Variants in ESR1 observed in about 807,000 individuals in gnomAD.
ESR1 encodes the protein estrogen receptor.
Under a neutral mutation model 52.7 loss-of-function variants are expected in ESR1, and 12 were observed. The observed-to-expected ratio is 0.23, with a 90% confidence interval of 0.15 to 0.37. The LOEUF (loss-of-function observed/expected upper bound fraction) is 0.37. ESR1 is among the 10% of genes least tolerant of loss of function. ESR1 has a pLI of 1.00. For missense variants in ESR1, 584 were observed against 779.7 expected, an observed-to-expected ratio of 0.75 and a Z score of 2.99; for synonymous variants, 305 against 316.8, an observed-to-expected ratio of 0.96 and a Z score of 0.39.
chr6:151,993,401 G>T (rs536593513), intron 4 of ESR1, among the ~76,000 whole-genome samples: 1 of 152,170 alleles, frequency 6.6e-6, no homozygotes, highest in African/African-American at 2.4e-5. Context: ...CTCTGGGTCG[G>T]ACTTGGCCCA....
intron 2 of ESR1, among the ~76,000 whole-genome samples, chr6:151,733,409 A>G (rs1441217262): frequency 3.3e-5 from 5 of 152,304 alleles, no homozygotes; most frequent in Non-Finnish European, 7.3e-5. Flanking sequence ...GTGATGAGGA[A>G]CATAAGCCAT....
rs896472046 is a variant in ESR1, at chr6:151,778,039, T to G, written c.-70-29804T>G. Among the ~76,000 whole-genome samples, 3 of 152,168 alleles carry G rather than the reference T, an allele frequency of 2.0e-5. No individual in the cohort carries two copies. The South Asian group carries it at 6.2e-4, about 32-fold the overall frequency. On this transcript the variant is annotated intron_variant, in intron 2 of 2. Coordinates refer to the ESR1 transcript ENST00000404742. ...GTGTAAAACCAGGAAATCTACATCT[T>G]GACACTTAACTACCCAAGACGCAAT...
chr6:152,099,034 A>G lies in ESR1; in HGVS notation c.*68A>G, dbSNP rs537160994. On this transcript the variant is annotated 3_prime_UTR_variant, in exon 8 of 8. Transcript: ENST00000206249. Reference sequence around the variant, plus strand: ...TTTTACCCTCATCATGCACCACTTTAGCCAAATTCTGTCTCCTGCATACAC... The same window carrying G: ...TTTTACCCTCATCATGCACCACTTTGGCCAAATTCTGTCTCCTGCATACAC... The G allele has an allele frequency of 1.5e-6, 2 of 1,329,620 alleles. No homozygotes were observed. The highest frequency in any genetic ancestry group is 2.1e-6 in the Non-Finnish European group (2 of 934,530). The allele number at this position is 1,329,620 out of a possible 1,614,324, so 82.4% of individuals were successfully genotyped here. A position where few individuals can be genotyped will look rare whatever the true frequency, so the allele number is the denominator to read the frequency against.
chr6:151,771,476 G>A (rs568181204), intron 2 of ESR1, among the ~76,000 whole-genome samples: 81 of 152,304 alleles, frequency 5.3e-4, no homozygotes, highest in Admixed American at 2.9e-3. Flanking sequence ...TGGCAGGCTG[G>A]CCGCCGGTGT....
At chr6:151,985,042 A>G (rs1208681381) in intron 4 of ESR1, among the ~76,000 whole-genome samples, 1 of 152,138 alleles carries the variant, frequency 6.6e-6, no homozygotes, top group African/African-American at 2.4e-5. Flanking sequence ...ATGAAATAGC[A>G]TATCAATGTA....
chr6:151,666,753 A>G (rs1777841108), intron 1 of ESR1, among the ~76,000 whole-genome samples: 1 of 130,876 alleles, frequency 7.6e-6, no homozygotes, highest in African/African-American at 2.8e-5. Context: ...CAGGGAACAT[A>G]TAGTTGGCAG....
chr6:151,918,127 A>T (rs1256699701), intron 3 of ESR1, among the ~76,000 whole-genome samples: 1 of 152,170 alleles, frequency 6.6e-6, no homozygotes, highest in African/African-American at 2.4e-5. Context: ...AGACATGAGC[A>T]GGTAGGGCTG....
At chr6:151,932,696 T>C (rs1356608466) in intron 3 of ESR1, among the ~76,000 whole-genome samples, 1 of 151,652 alleles carries the variant, frequency 6.6e-6, no homozygotes, top group Non-Finnish European at 1.5e-5. Flanking sequence ...CCCAGCACCA[T>C]TTATTAAATA....
At chr6:151,869,666 G>A (rs1429708995) in intron 2 of ESR1, among the ~76,000 whole-genome samples, 2 of 152,088 alleles carry the variant, frequency 1.3e-5, no homozygotes, top group Non-Finnish European at 2.9e-5. Flanking sequence ...GTCTAGTGAG[G>A]GCAAATAGAT....
intron 5 of ESR1, among the ~76,000 whole-genome samples, chr6:152,048,019 G>A (rs1044680189): frequency 7.3e-6 from 1 of 136,316 alleles, no homozygotes; most frequent in Admixed American, 7.9e-5. Flanking sequence ...TCTCTTCTTG[G>A]CACACTCTTC....
At chr6:152,111,127 C>G (rs1357152584) in intron 6 of ESR1, among the ~76,000 whole-genome samples, 1 of 152,164 alleles carries the variant, frequency 6.6e-6, no homozygotes, top group Non-Finnish European at 1.5e-5. Flanking sequence ...CACCCTCCCC[C>G]CGTTGCCACA....
chr6:152,065,026 TATC>T (rs1165893225), intron 6 of ESR1, among the ~76,000 whole-genome samples: 1 of 152,202 alleles, frequency 6.6e-6, no homozygotes, highest in Non-Finnish European at 1.5e-5. Context: ...CAACAACAGC[TATC>T]ATCATCACTG....
chr6:151,972,851 G>A (rs544075258), intron 4 of ESR1, among the ~76,000 whole-genome samples: 21 of 152,322 alleles, frequency 1.4e-4, no homozygotes, highest in African/African-American at 4.8e-4. Context: ...CAAAAGTGCA[G>A]CCTTCAGTCT....
intron 2 of ESR1, among the ~76,000 whole-genome samples, chr6:151,853,244 G>A (rs75343282): frequency 4.6e-4 from 69 of 150,004 alleles, no homozygotes; most frequent in African/African-American, 1.7e-3. Flanking sequence ...AAAGAAAGGC[G>A]GGCATTAACT....
chr6:152,087,962 G>A (rs1034066638), intron 6 of ESR1, among the ~76,000 whole-genome samples: 2 of 152,070 alleles, frequency 1.3e-5, no homozygotes, highest in African/African-American at 4.8e-5. Context: ...AGCCAAGTTT[G>A]AGATTCACAA....
chr6:151,977,329 G>A (rs997490991), intron 4 of ESR1, among the ~76,000 whole-genome samples: 2 of 151,436 alleles, frequency 1.3e-5, no homozygotes, highest in African/African-American at 2.4e-5. Context: ...CACTTGTCTC[G>A]TACAACTTTG....
intron 5 of ESR1, among the ~76,000 whole-genome samples, chr6:152,058,219 A>T (rs1157438599): frequency 6.6e-6 from 1 of 152,182 alleles, no homozygotes; most frequent in Admixed American, 6.5e-5. Context: ...GCTTAAAAAA[A>T]AAATTCAACT....
intron 6 of ESR1, chr6:152,118,329 A>G (rs1006363635): frequency 1.3e-5 from 2 of 152,176 alleles, no homozygotes; most frequent in African/African-American, 4.8e-5. Context: ...ACTGCTTTTA[A>G]TGAGTCATTA....
At chr6:152,027,340 C>CG (rs1401614991) in intron 5 of ESR1, among the ~76,000 whole-genome samples, 2 of 117,200 alleles carry the variant, frequency 1.7e-5, no homozygotes, top group East Asian at 6.1e-4. Flanking sequence ...TTTCTTTAGC[C>CG]CCAACCCCAT....
Sources: gnomAD v4.1 joint callset for allele counts (sites outside exome capture counted in the v4.1 genomes callset) on GRCh38, gnomAD v4.1.1 for gene constraint, MANE v1.5 for transcripts, NCBI Gene and HGNC (gene_info 2026-07-23, HGNC 2026-07-21) for gene names.